Variants in ASCC3 observed in about 807,000 individuals in gnomAD.
ASCC3 encodes the protein ASC-1 complex subunit P200.
ASCC3 carries 158 observed loss-of-function variants against 256.3 expected under a neutral mutation model. That is an observed-to-expected ratio of 0.62 (90% CI 0.54 to 0.70). The LOEUF is 0.70. ASCC3 is among the 30% of genes least tolerant of loss of function. ASCC3 has a pLI of 0.00. For synonymous variants in ASCC3, 948 were observed against 883.4 expected, an observed-to-expected ratio of 1.07 and a Z score of -1.30; for missense variants, 2,259 against 2,626.0, an observed-to-expected ratio of 0.86 and a Z score of 3.05.
At chr6:100,603,117 G>T (rs1015883435) in intron 33 of ASCC3, among the ~76,000 whole-genome samples, 1 of 151,808 alleles carries the variant, frequency 6.6e-6, no homozygotes. Context: ...TCACTGCAAC[G>T]TTATACATAA....
intron 10 of ASCC3, among the ~76,000 whole-genome samples, chr6:100,747,362 T>C (rs535074469): frequency 3.9e-5 from 6 of 152,186 alleles, no homozygotes; most frequent in Admixed American, 3.3e-4. Flanking sequence ...AAACATCTAC[T>C]GTATGTCAGG....
At chr6:100,856,155 G>A (rs561706135) in intron 3 of ASCC3, 1 of 154,584 alleles carries the variant, frequency 6.5e-6, no homozygotes, top group Non-Finnish European at 1.4e-5. Context: ...TTATCAAGCT[G>A]CTGACCTACA....
At chr6:100,779,299 C>T (rs931735445) in intron 8 of ASCC3, among the ~76,000 whole-genome samples, 1 of 152,088 alleles carries the variant, frequency 6.6e-6, no homozygotes, top group Non-Finnish European at 1.5e-5. Context: ...CGCTATGTTG[C>T]TGAAGTTGGT....
At chr6:100,555,853 G>C (rs1769546126) in intron 36 of ASCC3, among the ~76,000 whole-genome samples, 1 of 152,160 alleles carries the variant, frequency 6.6e-6, no homozygotes, top group African/African-American at 2.4e-5. Context: ...GCCAATAGCT[G>C]GGTGTGGTGG....
chr6:100,840,784 C>T (rs1463277544), intron 4 of ASCC3, among the ~76,000 whole-genome samples: 1 of 151,716 alleles, frequency 6.6e-6, no homozygotes, highest in African/African-American at 2.4e-5. Flanking sequence ...GTGATTATGA[C>T]TGAATAATGG....
At chr6:100,596,799 C>A (rs1177498961) in intron 34 of ASCC3, among the ~76,000 whole-genome samples, 1 of 152,108 alleles carries the variant, frequency 6.6e-6, no homozygotes, top group Non-Finnish European at 1.5e-5. Context: ...TCCCATCTGT[C>A]CCCTGCTCAA....
At chr6:100,722,098 C>T (rs1388444620) in intron 11 of ASCC3, among the ~76,000 whole-genome samples, 1 of 151,740 alleles carries the variant, frequency 6.6e-6, no homozygotes, top group East Asian at 1.9e-4. Context: ...GAGTCCTTTC[C>T]CCATTGCTTA....
chr6:100,845,910 G>C (rs1772359993), intron 4 of ASCC3, among the ~76,000 whole-genome samples: 1 of 152,142 alleles, frequency 6.6e-6, no homozygotes. Flanking sequence ...CATCAGCATA[G>C]AAGTAGCTTT....
chr6:100,774,382 C>A (rs543750471), intron 8 of ASCC3, among the ~76,000 whole-genome samples: 1 of 150,786 alleles, frequency 6.6e-6, no homozygotes, highest in African/African-American at 2.4e-5. Flanking sequence ...TTTTTTTTTT[C>A]GGAGATGCAC....
At chr6:100,652,391 TAGA>T (rs1001339393) in intron 18 of ASCC3, among the ~76,000 whole-genome samples, 7 of 152,054 alleles carry the variant, frequency 4.6e-5, no homozygotes, top group African/African-American at 1.7e-4. Flanking sequence ...GCTATACAAA[TAGA>T]AGGTTTATTT....
intron 36 of ASCC3, among the ~76,000 whole-genome samples, chr6:100,579,523 G>A (rs545759207): frequency 4.8e-4 from 73 of 152,150 alleles, no homozygotes; most frequent in Non-Finnish European, 8.7e-4. Flanking sequence ...TTTTGTATAC[G>A]GGTAAGGAAG....
chr6:100,706,876 T>C (rs1167422582), intron 13 of ASCC3, among the ~76,000 whole-genome samples: 1 of 152,100 alleles, frequency 6.6e-6, no homozygotes, highest in Admixed American at 6.6e-5. Flanking sequence ...TCTTCACTTA[T>C]GTTGCAAAAG....
chr6:100,544,536 G>C (rs958646154), intron 36 of ASCC3, among the ~76,000 whole-genome samples: 1 of 151,672 alleles, frequency 6.6e-6, no homozygotes, highest in African/African-American at 2.4e-5. Context: ...AATATGAACA[G>C]CTTTATGCCT....
chr6:100,581,574 G>A (rs1771268384), intron 36 of ASCC3, among the ~76,000 whole-genome samples: 1 of 150,488 alleles, frequency 6.6e-6, no homozygotes, highest in Non-Finnish European at 1.5e-5. Flanking sequence ...CTGTGCAGAA[G>A]CTCTTTAGTT....
intron 37 of ASCC3, among the ~76,000 whole-genome samples, chr6:100,523,349 C>T (rs1193457965): frequency 2.0e-5 from 3 of 152,064 alleles, no homozygotes; most frequent in Non-Finnish European, 4.4e-5. Flanking sequence ...TTTGTTTTTA[C>T]AGAGCTTACT....
intron 36 of ASCC3, among the ~76,000 whole-genome samples, chr6:100,580,980 A>G (rs1472053798): frequency 1.3e-5 from 2 of 152,066 alleles, no homozygotes; most frequent in Non-Finnish European, 2.9e-5. Context: ...CCAGTCTATC[A>G]TTGTTGGACA....
intron 30 of ASCC3, among the ~76,000 whole-genome samples, chr6:100,623,993 C>T (rs558507539): frequency 6.6e-6 from 1 of 151,682 alleles, no homozygotes; most frequent in Non-Finnish European, 1.5e-5. Context: ...GGAGGGATAG[C>T]ATTTGGAGAT....
At chr6:100,580,380 A>G (rs1771152650) in intron 36 of ASCC3, among the ~76,000 whole-genome samples, 1 of 152,092 alleles carries the variant, frequency 6.6e-6, no homozygotes, top group Non-Finnish European at 1.5e-5. Context: ...TACAATCAAG[A>G]GATCATCACT....
rs56668191 is a variant in ASCC3, at chr6:100,818,748, C to CAAAAAAAA, written c.802-12876_802-12869dup. On this transcript the variant is annotated intron_variant, in intron 4 of 41. Transcript: ENST00000369162. ...CTAGGCAGGGCAGTTAGGCAAAAGC[C>CAAAAAAAA]AAAAAAAAAAAAAAAAAAAAAAAAG... 7.1e-3 allele frequency among the ~76,000 whole-genome samples: 411 copies of CAAAAAAAA among 58,178 alleles called. 3 individuals carry two copies. Among genetic ancestry groups the CAAAAAAAA allele is most frequent in the African/African-American group, 9.9e-3 (127 of 12,788 alleles). 38.2% of individuals were successfully genotyped at this position (58,178 alleles called of 152,430 possible). A position where few individuals can be genotyped will look rare whatever the true frequency, so the allele number is the denominator to read the frequency against.
Sources: gnomAD v4.1 joint callset for allele counts (sites outside exome capture counted in the v4.1 genomes callset) on GRCh38, gnomAD v4.1.1 for gene constraint, MANE v1.5 for transcripts, NCBI Gene and HGNC (gene_info 2026-07-23, HGNC 2026-07-21) for gene names.